The following BAZ2A variants were observed in gnomAD, a reference collection of about 807,000 sequenced individuals.
BAZ2A encodes the protein bromodomain adjacent to zinc finger domain protein 2A.
BAZ2A carries 34 observed loss-of-function variants against 199.9 expected under a neutral mutation model. That is an observed-to-expected ratio of 0.17 (90% CI 0.13 to 0.23). The LOEUF (loss-of-function observed/expected upper bound fraction) is 0.23, where lower values mean the gene tolerates loss of function less well. BAZ2A is among the 10% of genes least tolerant of loss of function. The probability of loss-of-function intolerance (pLI) is 1.00; values close to 1 mark genes in which losing one functional copy is unlikely to be tolerated. For synonymous variants in BAZ2A, 857 were observed against 883.9 expected, an observed-to-expected ratio of 0.97 and a Z score of 0.54; for missense variants, 2,002 against 2,391.1, an observed-to-expected ratio of 0.84 and a Z score of 3.39.
At chr12:56,636,195 G>A in exon 1 of BAZ2A, 1 of 1,593,960 alleles carries the variant, frequency 6.3e-7, no homozygotes, top group Non-Finnish European at 8.5e-7. Flanking sequence ...TGTCAGGCTG[G>A]CACAGCTCCA....
chr12:56,629,823 G>A (rs1951241791), intron 1 of BAZ2A: 1 of 151,206 alleles, frequency 6.6e-6, no homozygotes, highest in Admixed American at 6.6e-5. Flanking sequence ...CCCCACAGGA[G>A]TCATCTCCAC....
At chr12:56,636,402 G>C (rs1456053123), upstream of BAZ2A, 2 of 1,356,734 alleles carry the variant, frequency 1.5e-6, no homozygotes, top group African/African-American at 2.9e-5. Context: ...GAGGAGGGAA[G>C]GGCGGGGCTT....
At chr12:56,632,116 GA>G (rs200867472), upstream of BAZ2A, among the ~76,000 whole-genome samples, 7 of 150,834 alleles carry the variant, frequency 4.6e-5, no homozygotes, top group Admixed American at 1.3e-4. Flanking sequence ...TCACCTTGGG[GA>G]AAAAAAAATA....
At chr12:56,629,806 C>G (rs944856686) in intron 1 of BAZ2A, among the ~76,000 whole-genome samples, 1 of 151,934 alleles carries the variant, frequency 6.6e-6, no homozygotes, top group African/African-American at 2.4e-5. Flanking sequence ...GGATTCCACC[C>G]CAAGTCCCCC....
upstream of BAZ2A, chr12:56,634,875 C>A (rs1951409740): frequency 1.0e-6 from 1 of 978,614 alleles, no homozygotes; most frequent in Non-Finnish European, 1.2e-6. Context: ...CAGCAGGGAT[C>A]CCGGGGCAGG....
chr12:56,611,273 C>A, intron 7 of BAZ2A: 1 of 487,436 alleles, frequency 2.1e-6, no homozygotes, highest in Non-Finnish European at 3.7e-6. Flanking sequence ...ATAGGACAAG[C>A]CAGCTGGTTT....
At chr12:56,633,060 G>C (rs1373963163), upstream of BAZ2A, among the ~76,000 whole-genome samples, 1 of 152,150 alleles carries the variant, frequency 6.6e-6, no homozygotes, top group African/African-American at 2.4e-5. Context: ...AGAGTCTCCA[G>C]GGAATAGGCT....
At chr12:56,614,159 C>T in intron 3 of BAZ2A, 21 bp from the exon 4 acceptor site, 1 of 1,606,624 alleles carries the variant, frequency 6.2e-7, no homozygotes, top group African/African-American at 1.3e-5. Context: ...ACAGGAGAGA[C>T]CAAAAGTCAA....
chr12:56,627,695 G>A (rs1951146538), intron 1 of BAZ2A, among the ~76,000 whole-genome samples: 1 of 151,290 alleles, frequency 6.6e-6, no homozygotes, highest in African/African-American at 2.4e-5. Flanking sequence ...ATGTGGTGGT[G>A]CGTGTCTGTG....
At position 56,615,491 on chromosome 12, in the gene BAZ2A, C is replaced by A; in HGVS notation, c.253G>T (p.Val85Leu). The change falls in exon 3 of 29, where the codon GTG (valine) becomes TTG (leucine). Residue 85 changes from valine to leucine, a missense_variant. Coordinates refer to ENST00000549884, the MANE Select transcript of BAZ2A (RefSeq NM_001300905.2). ...SSTSHLHHPSVAYDCLWNYSQ... is the reference protein window; with the variant it reads ...SSTSHLHHPSLAYDCLWNYSQ... ...TAGTTCCAGAGACAGTCGTAGGCCA[C>A]GCTGGGGTGATGGAGGTGTGAGGTG... 1 of 1,613,274 alleles carries A rather than the reference C, an allele frequency of 6.2e-7. No individual in the cohort carries two copies. Among genetic ancestry groups the A allele is most frequent in the Non-Finnish European group, 8.5e-7 (1 of 1,179,836 alleles).
intron 19 of BAZ2A, among the ~76,000 whole-genome samples, 194 bp downstream of exon 19, chr12:56,602,519 C>T (rs191175861): frequency 6.6e-5 from 10 of 152,270 alleles, no homozygotes; most frequent in African/African-American, 2.4e-4. Flanking sequence ...CTCAACTTCA[C>T]AAATGAAGAA....
At position 56,604,883 on chromosome 12, in the gene BAZ2A, G is replaced by A. The variant is rs911376857; in HGVS notation, c.2749-84C>T. On this transcript the variant is annotated intron_variant, in intron 14 of 28. Coordinates refer to ENST00000549884, the MANE Select transcript of BAZ2A (RefSeq NM_001300905.2). ...GAATGTGCAAGAGGAAAATACATCA[G>A]AAGAGAACTATGGGGGTTAAGACAG... 4.7e-6 allele frequency: 7 copies of A among 1,474,212 alleles called. No individual in the cohort carries two copies. In the African/African-American group the frequency reaches 7.0e-5, roughly 15 times the overall value. 91.3% of individuals were successfully genotyped at this position (1,474,212 alleles called of 1,614,324 possible). A position where few individuals can be genotyped will look rare whatever the true frequency, so the allele number is the denominator to read the frequency against.
intron 2 of BAZ2A, 105 bp downstream of exon 2, chr12:56,617,290 T>C (rs906957582): frequency 1.1e-5 from 14 of 1,237,536 alleles, no homozygotes; most frequent in Non-Finnish European, 1.5e-5. Flanking sequence ...TTCTTAGAAG[T>C]TGATTTCTCT....
chr12:56,627,174 G>C (rs1275422507), intron 1 of BAZ2A, among the ~76,000 whole-genome samples: 2 of 152,184 alleles, frequency 1.3e-5, no homozygotes, highest in South Asian at 2.1e-4. Flanking sequence ...TTTCAGAATA[G>C]TCCAAATAAT....
intron 10 of BAZ2A, among the ~76,000 whole-genome samples, chr12:56,608,706 A>G (rs1160943418): frequency 6.6e-6 from 1 of 151,372 alleles, no homozygotes; most frequent in Admixed American, 6.6e-5. Context: ...AGTAGCTGGG[A>G]TTACAGGCAT....
chr12:56,599,479 T>G (rs901569206), intron 26 of BAZ2A, 121 bp from the exon 27 acceptor site: 16 of 1,267,038 alleles, frequency 1.3e-5, no homozygotes, highest in Non-Finnish European at 1.7e-5. Flanking sequence ...CCGGCATTGG[T>G]TTATTCACAT....
At chr12:56,636,252 G>A in exon 1 of BAZ2A, 3 of 1,563,030 alleles carry the variant, frequency 1.9e-6, no homozygotes, top group Non-Finnish European at 2.6e-6. Flanking sequence ...TCCACTTCAC[G>A]TAAAGGTTGG....
At chr12:56,601,494 G>A (rs1015166405) in intron 20 of BAZ2A, 52 bp downstream of exon 20, 25 of 1,596,292 alleles carry the variant, frequency 1.6e-5, no homozygotes, top group Admixed American at 6.9e-5. Context: ...CCAGGCAATG[G>A]TGCCTGTGGC....
In BAZ2A at chr12:56,604,300, G is replaced by C. The variant is rs767165784; in HGVS notation, c.2964-9C>G. The C allele has an allele frequency of 3.7e-6, 6 of 1,602,100 alleles. No individual in the cohort carries two copies. Among genetic ancestry groups the C allele is most frequent in the Non-Finnish European group, 4.3e-6 (5 of 1,173,092 alleles). On this transcript the variant is annotated splice_polypyrimidine_tract_variant and intron_variant, in intron 15 of 28. Transcript: ENST00000549884. ...GAGTCTTGTCAATCTCACTGCAGGGGAATAGGGAATAGGATGAAGTGGCAG... is the reference window on the plus strand; with the variant it reads ...GAGTCTTGTCAATCTCACTGCAGGGCAATAGGGAATAGGATGAAGTGGCAG...
Sources: gnomAD v4.1 joint callset for allele counts (sites outside exome capture counted in the v4.1 genomes callset) on GRCh38, gnomAD v4.1.1 for gene constraint, MANE v1.5 for transcripts, NCBI Gene and HGNC (gene_info 2026-07-23, HGNC 2026-07-21) for gene names.